The following PCDHGA1 variants were observed in gnomAD, a reference collection of about 807,000 sequenced individuals.
The protein encoded by PCDHGA1 is protocadherin gamma-A1.
PCDHGA1 carries 32 observed loss-of-function variants against 58.0 expected under a neutral mutation model. That is an observed-to-expected ratio of 0.55 (90% CI 0.42 to 0.74). The LOEUF (loss-of-function observed/expected upper bound fraction) is 0.74, where lower values mean the gene tolerates loss of function less well. Among genes scored for constraint, PCDHGA1 ranks in the 30% least tolerant of loss-of-function variants. The probability of loss-of-function intolerance (pLI) is 0.00; values close to 1 mark genes in which losing one functional copy is unlikely to be tolerated. For synonymous variants in PCDHGA1, 498 were observed against 501.1 expected, an observed-to-expected ratio of 0.99 and a Z score of 0.08; for missense variants, 1,205 against 1,182.3, an observed-to-expected ratio of 1.02 and a Z score of -0.28.
At chr5:141,404,593 A>G in intron 1 of PCDHGA1, 1 of 1,614,080 alleles carries the variant, frequency 6.2e-7, no homozygotes, top group Non-Finnish European at 8.5e-7. Context: ...GCAATGTGTC[A>G]TTGAGACTGT....
chr5:141,457,701 G>A (rs1341216514), intron 1 of PCDHGA1, among the ~76,000 whole-genome samples: 1 of 152,222 alleles, frequency 6.6e-6, no homozygotes, highest in Admixed American at 6.5e-5. Context: ...TGGCTTTGAT[G>A]AAACACTGTT....
chr5:141,400,426 G>A (rs1346018954), intron 1 of PCDHGA1: 1 of 1,614,060 alleles, frequency 6.2e-7, no homozygotes, highest in Non-Finnish European at 8.5e-7. Flanking sequence ...AAAATGTAGT[G>A]AGCAATTGAG....
intron 1 of PCDHGA1, chr5:141,339,207 C>G (rs1218871076): frequency 1.2e-6 from 2 of 1,614,096 alleles, no homozygotes; most frequent in Non-Finnish European, 1.7e-6. Context: ...GCTCTGAACC[C>G]GCGAAGCGGC....
chr5:141,436,406 G>T (rs1403133377), intron 1 of PCDHGA1, among the ~76,000 whole-genome samples: 3 of 152,308 alleles, frequency 2.0e-5, no homozygotes, highest in East Asian at 3.9e-4. Context: ...GTTGTTGAAT[G>T]AATGGATAAA....
In PCDHGA1 at chr5:141,330,798, G is replaced by A. The variant is rs1245108661; in HGVS notation, c.114G>A (p.Glu38=). 1 of 1,614,204 alleles carries A rather than the reference G, an allele frequency of 6.2e-7. No homozygotes were observed. Among genetic ancestry groups the A allele is most frequent in the South Asian group, 1.1e-5 (1 of 91,084 alleles). Reference sequence around the variant, plus strand: ...ATATTCACTACTCAGTGCCGGAAGAGACAGACAAAGGTTCCTTCGTAGGCA... The same window carrying A: ...ATATTCACTACTCAGTGCCGGAAGAAACAGACAAAGGTTCCTTCGTAGGCA... ...AGNIHYSVPE[E]TDKGSFVGNI... The change falls in exon 1 of 4, where the codon GAG becomes GAA. Residue 38 remains glutamate (E), a synonymous_variant. Transcript: ENST00000517417.
At chr5:141,427,570 C>T (rs1487817661) in intron 1 of PCDHGA1, 1 of 662,270 alleles carries the variant, frequency 1.5e-6, no homozygotes, top group Admixed American at 2.1e-5. Context: ...GGCAAGCCTC[C>T]GCTCTCATCC....
Position 141,491,992 on chromosome 5 carries a change from T to G in PCDHGA1, c.2422-2815T>G. ...GGCCTCCTTCGAGCTTCCGGTGAAT[T>G]TCGGGCGATTTCCGCGGGTGTCGGG... On this transcript the variant is annotated intron_variant, in intron 1 of 3. Transcript: ENST00000517417. This position sits in a 1 kb window ranked among gnomAD's most constrained non-coding sequence, Gnocchi z 6.9. The G allele has an allele frequency of 1.5e-6, 1 of 684,982 alleles. No homozygotes were observed. The highest frequency in any genetic ancestry group is 2.3e-6 in the Non-Finnish European group (1 of 443,370). The allele number at this position is 684,982 out of a possible 1,614,324, so 42.4% of individuals were successfully genotyped here.
At chr5:141,458,438 CCCA>C (rs1221646653) in intron 1 of PCDHGA1, among the ~76,000 whole-genome samples, 3 of 152,024 alleles carry the variant, frequency 2.0e-5, no homozygotes, top group African/African-American at 7.2e-5. Context: ...GAGGAGGTCC[CCCA>C]CATTAACAAT....
chr5:141,414,066 A>G, intron 1 of PCDHGA1: 2 of 1,608,358 alleles, frequency 1.2e-6, no homozygotes, highest in African/African-American at 1.3e-5. Context: ...TGAAGTTCCA[A>G]CTAAACAAAT....
chr5:141,385,067 G>A (rs963028251), intron 1 of PCDHGA1: 3 of 1,614,158 alleles, frequency 1.9e-6, no homozygotes, highest in Non-Finnish European at 2.5e-6. Flanking sequence ...CACAAGTCAC[G>A]CCTGCTGCAG....
chr5:141,410,110 C>T, intron 1 of PCDHGA1: 4 of 1,612,540 alleles, frequency 2.5e-6, no homozygotes, highest in Non-Finnish European at 3.4e-6. Flanking sequence ...GCGACAGGGA[C>T]GCAGCCCGCC....
At chr5:141,410,762 T>C in intron 1 of PCDHGA1, 1 of 1,171,656 alleles carries the variant, frequency 8.5e-7, no homozygotes, top group Non-Finnish European at 1.2e-6. Flanking sequence ...GTTTTTTCAA[T>C]TATAGTTTTC....
At position 141,511,241 on chromosome 5, in the gene PCDHGA1, C is replaced by G; in HGVS notation, c.*68C>G. ...CCAGCCCAGCTTCTCCTTACCTGCA[C>G]CCAGGCCTCAGAGTTTCAGGGCTAA... On this transcript the variant is annotated 3_prime_UTR_variant, in exon 4 of 4. Transcript: ENST00000517417. 1 of 1,585,214 alleles carries G rather than the reference C, an allele frequency of 6.3e-7. No individual in the cohort carries two copies. The highest frequency in any genetic ancestry group is 1.1e-5 in the South Asian group (1 of 87,760).
intron 1 of PCDHGA1, chr5:141,352,446 C>T: frequency 1.9e-6 from 3 of 1,614,050 alleles, no homozygotes; most frequent in Non-Finnish European, 2.5e-6. Context: ...GGTCTCTGCT[C>T]CAAGTCTGGG....
chr5:141,478,420 C>A, intron 1 of PCDHGA1: 1 of 1,613,676 alleles, frequency 6.2e-7, no homozygotes, highest in Non-Finnish European at 8.5e-7. Context: ...ACTCCCGCCG[C>A]AGCGACCCGC....
At chr5:141,417,875 G>C (rs2096176700) in intron 1 of PCDHGA1, 2 of 1,556,360 alleles carry the variant, frequency 1.3e-6, no homozygotes, top group Non-Finnish European at 1.7e-6. Context: ...AGGGAGCTGC[G>C]CGCAGAGGCG....
chr5:141,415,482 G>C, intron 1 of PCDHGA1: 1 of 1,614,218 alleles, frequency 6.2e-7, no homozygotes, highest in Non-Finnish European at 8.5e-7. Context: ...ACTCGCGAAA[G>C]AGTCACCTGA....
At chr5:141,458,496 A>G (rs905073741) in intron 1 of PCDHGA1, among the ~76,000 whole-genome samples, 1 of 151,694 alleles carries the variant, frequency 6.6e-6, no homozygotes, top group Non-Finnish European at 1.5e-5. Flanking sequence ...CTGCCTGTAC[A>G]TACTGTTTGA....
At chr5:141,338,263 C>A (rs966589789) in intron 1 of PCDHGA1, among the ~76,000 whole-genome samples, 1 of 152,314 alleles carries the variant, frequency 6.6e-6, no homozygotes, top group Non-Finnish European at 1.5e-5. Context: ...GCTCCAGCTG[C>A]AATCATGCAA....
Sources: gnomAD v4.1 joint callset for allele counts (sites outside exome capture counted in the v4.1 genomes callset) on GRCh38, gnomAD v4.1.1 for gene constraint, Gnocchi (gnomAD v3.1) non-coding constraint, MANE v1.5 for transcripts, NCBI Gene and HGNC (gene_info 2026-07-23, HGNC 2026-07-21) for gene names.